LRRC7: variants seen among roughly 807,000 people sequenced by gnomAD.
LRRC7 encodes leucine-rich repeat-containing protein 7.
In LRRC7, 23 loss-of-function variants were observed where a neutral mutation model predicts 175.7. The observed-to-expected ratio is 0.13, with a 90% CI of 0.09 to 0.19. The LOEUF (loss-of-function observed/expected upper bound fraction) is 0.19. Among genes scored for constraint, LRRC7 ranks in the 10% least tolerant of loss-of-function variants. The probability of loss-of-function intolerance (pLI) is 1.00; values close to 1 mark genes in which losing one functional copy is unlikely to be tolerated. For synonymous variants in LRRC7, 685 were observed against 680.9 expected (o/e 1.01, Z -0.09); for missense variants, 1,354 against 1,904.7 (o/e 0.71, Z 5.38).
intron 25 of LRRC7, among the ~76,000 whole-genome samples, chr1:70,094,376 A>G (rs1389742037): frequency 6.6e-6 from 1 of 152,190 alleles, no homozygotes; most frequent in Non-Finnish European, 1.5e-5. Context: ...AATGATAGAA[A>G]AAAACAAATT....
rs1056841449 is a variant in LRRC7, at chr1:69,889,822, A to T, written c.648-41685A>T. Among the ~76,000 whole-genome samples, 7 of 150,554 alleles carry T rather than the reference A, an allele frequency of 4.6e-5. No individual in the cohort carries two copies. In the East Asian group the frequency reaches 1.2e-3, roughly 25 times the overall value. On this transcript the variant is annotated intron_variant, in intron 7 of 26. Transcript: ENST00000651989. ...CCCTGTCTAAAAGTAGAGTAAGGAG[A>T]TAGAGAAGAAGAAGGAGAGGAGGAG...
chr1:70,092,315 T>C (rs1664086475), intron 25 of LRRC7, among the ~76,000 whole-genome samples: 1 of 152,140 alleles, frequency 6.6e-6, no homozygotes, highest in African/African-American at 2.4e-5. Flanking sequence ...TGCCTGAGCC[T>C]GAGGTAGACT....
At chr1:70,009,790 T>G (rs1656333414) in intron 11 of LRRC7, among the ~76,000 whole-genome samples, 1 of 152,256 alleles carries the variant, frequency 6.6e-6, no homozygotes, top group African/African-American at 2.4e-5. Context: ...CAACTCATTC[T>G]AATCAGCTGA....
At chr1:69,580,579 CT>C (rs972555505) in intron 1 of LRRC7, among the ~76,000 whole-genome samples, 1 of 152,038 alleles carries the variant, frequency 6.6e-6, no homozygotes, top group Non-Finnish European at 1.5e-5. Flanking sequence ...TTTTTTCATT[CT>C]GTATATTGTT....
chr1:69,887,849 A>T (rs1224518960), intron 7 of LRRC7, among the ~76,000 whole-genome samples: 2 of 147,448 alleles, frequency 1.4e-5, no homozygotes, highest in East Asian at 2.0e-4. Context: ...CAGGACCCTC[A>T]GCTGCAGGTC....
chr1:69,585,348 A>G (rs1646364576), intron 1 of LRRC7, among the ~76,000 whole-genome samples: 1 of 152,172 alleles, frequency 6.6e-6, no homozygotes, highest in African/African-American at 2.4e-5. Context: ...TTCAAAGAGC[A>G]AAAGGGAAGC....
chr1:69,608,048 T>C (rs1409019053), intron 1 of LRRC7: 1 of 152,642 alleles, frequency 6.6e-6, no homozygotes, highest in East Asian at 1.9e-4. Context: ...ACGTGGGAGG[T>C]AGTAACGTTC....
rs1401156849 is a variant in LRRC7, at chr1:69,600,797, T to TTC, written c.2+32157_2+32158insCT. On this transcript the variant is annotated intron_variant, in intron 1 of 26. Transcript: ENST00000651989. ...TAGCCATTTCTCCAAGGATCTCTGG[T>TTC]TTCTTTTTTTTTTTTTTTTTTTTTT... Among the ~76,000 whole-genome samples the TTC allele has an allele frequency of 6.4e-4, 60 of 93,278 alleles. 11 individuals carry two copies. Among genetic ancestry groups the TTC allele is most frequent in the South Asian group, 1.4e-3 (4 of 2,792 alleles). The allele number at this position is 93,278 out of a possible 152,430, so 61.2% of individuals were successfully genotyped here. A position where few individuals can be genotyped will look rare whatever the true frequency, so the allele number is the denominator to read the frequency against.
Position 70,053,157 on chromosome 1 carries a change from T to C in LRRC7, c.4230+12T>C. On this transcript the variant is annotated intron_variant, in intron 23 of 26. Coordinates refer to ENST00000651989, the MANE Select transcript of LRRC7 (RefSeq NM_001370785.2). The stretch of plus-strand genomic sequence containing the variant: ...CCATTACTAAGAAGGTAACCAATTT[T>C]TAATTAACAAGACAAACCATGAACC... The C allele has an allele frequency of 1.3e-6, 2 of 1,597,384 alleles. No individual in the cohort carries two copies. The highest frequency in any genetic ancestry group is 1.7e-6 in the Non-Finnish European group (2 of 1,172,714).
chr1:69,902,206 C>G (rs1005774428), intron 7 of LRRC7, among the ~76,000 whole-genome samples: 2 of 152,112 alleles, frequency 1.3e-5, no homozygotes, highest in African/African-American at 2.4e-5. Flanking sequence ...TGCCTGGAAT[C>G]TAATACATAC....
At chr1:70,006,236 A>G (rs571131269) in intron 11 of LRRC7, among the ~76,000 whole-genome samples, 2 of 152,248 alleles carry the variant, frequency 1.3e-5, no homozygotes, top group African/African-American at 4.8e-5. Flanking sequence ...GCTCTAAATT[A>G]TTAATTCCTT....
At chr1:69,939,039 ATCTATATCTATC>A (rs1648405714) in intron 8 of LRRC7, among the ~76,000 whole-genome samples, 2 of 81,436 alleles carry the variant, frequency 2.5e-5, no homozygotes, top group Non-Finnish European at 5.7e-5. Context: ...ATCTATATAT[ATCTATATCTATC>A]TCACAGACAT....
intron 26 of LRRC7, among the ~76,000 whole-genome samples, chr1:70,114,576 T>C (rs1295018371): frequency 6.6e-6 from 1 of 152,118 alleles, no homozygotes; most frequent in Admixed American, 6.5e-5. Context: ...TAATTCCAGC[T>C]ACTCAAGAGG....
At chr1:69,968,221 A>G (rs2101860484) in intron 8 of LRRC7, among the ~76,000 whole-genome samples, 1 of 152,220 alleles carries the variant, frequency 6.6e-6, no homozygotes, top group South Asian at 2.1e-4. Context: ...GCTCAAAGAC[A>G]AGGTTTTCCA....
At chr1:70,118,092 C>CACACACAT (rs779509103) in intron 26 of LRRC7, among the ~76,000 whole-genome samples, 28 of 150,766 alleles carry the variant, frequency 1.9e-4, no homozygotes, top group African/African-American at 6.6e-4. Context: ...CACACACACA[C>CACACACAT]GCACACGAAC....
At chr1:69,809,145 C>A (rs1677505609) in intron 4 of LRRC7, among the ~76,000 whole-genome samples, 1 of 152,112 alleles carries the variant, frequency 6.6e-6, no homozygotes, top group Non-Finnish European at 1.5e-5. Flanking sequence ...ACTATAAACA[C>A]CTCTATGCAA....
At chr1:69,570,421 AC>A (rs1645693422) in intron 1 of LRRC7, among the ~76,000 whole-genome samples, 1 of 151,968 alleles carries the variant, frequency 6.6e-6, no homozygotes, top group African/African-American at 2.4e-5. Flanking sequence ...GCCTTTTTTT[AC>A]CGCCCACCCT....
chr1:69,842,434 A>G (rs1681829014), intron 7 of LRRC7, among the ~76,000 whole-genome samples: 1 of 152,160 alleles, frequency 6.6e-6, no homozygotes, highest in Non-Finnish European at 1.5e-5. Context: ...CGAAACTATG[A>G]AGTAATATGA....
intron 7 of LRRC7, among the ~76,000 whole-genome samples, chr1:69,893,999 A>G (rs1221819646): frequency 2.0e-5 from 3 of 152,218 alleles, no homozygotes; most frequent in African/African-American, 7.2e-5. Context: ...GGTTTGAGCA[A>G]TAGAGCAGAG....
Sources: allele counts gnomAD v4.1 joint callset (sites outside exome capture counted in the v4.1 genomes callset), GRCh38; gene constraint gnomAD v4.1.1; transcripts MANE v1.5; gene names NCBI Gene and HGNC (gene_info 2026-07-23, HGNC 2026-07-21).